MAP7: variants seen among roughly 807,000 people sequenced by gnomAD.
MAP7 encodes the protein ensconsin.
Under a neutral mutation model 94.8 loss-of-function variants are expected in MAP7, and 52 were observed. The ratio of observed to expected loss-of-function variants is 0.55; its 90% confidence interval spans 0.44 to 0.69. MAP7 has a LOEUF of 0.69. MAP7 is among the 30% of genes least tolerant of loss of function. The pLI, the probability that MAP7 is intolerant of heterozygous loss-of-function variation, is 0.00. For synonymous variants in MAP7, 350 were observed against 357.0 expected (o/e 0.98, Z 0.22); for missense variants, 940 against 964.6 (o/e 0.97, Z 0.34).
intron 16 of MAP7, 78 bp downstream of exon 16, chr6:136,356,614 T>A: frequency 8.6e-7 from 1 of 1,163,740 alleles, no homozygotes; most frequent in Non-Finnish European, 1.3e-6. Flanking sequence ...ATCCTAATGT[T>A]AAGACTTTGA....
intron 1 of MAP7, among the ~76,000 whole-genome samples, chr6:136,487,880 C>T (rs1236096271): frequency 6.6e-6 from 1 of 152,170 alleles, no homozygotes; most frequent in Non-Finnish European, 1.5e-5. Context: ...GGACCATTAA[C>T]ATGGACACGC....
intron 1 of MAP7, among the ~76,000 whole-genome samples, chr6:136,523,573 G>A (rs1439781125): frequency 6.6e-6 from 1 of 152,180 alleles, no homozygotes; most frequent in Non-Finnish European, 1.5e-5. Flanking sequence ...AAAGTCAATA[G>A]TGTTATTCAT....
chr6:136,525,002 T>A (rs1827425873), intron 1 of MAP7, among the ~76,000 whole-genome samples: 1 of 152,210 alleles, frequency 6.6e-6, no homozygotes, highest in Admixed American at 6.5e-5. Flanking sequence ...CTGGAAAATG[T>A]AAAACACAGG....
chr6:136,506,512 T>C (rs1821563487), intron 1 of MAP7, among the ~76,000 whole-genome samples: 1 of 151,908 alleles, frequency 6.6e-6, no homozygotes, highest in Non-Finnish European at 1.5e-5. Context: ...GGGAAATTTC[T>C]GGAAACAATA....
chr6:136,465,642 A>G (rs2052602536), intron 1 of MAP7, among the ~76,000 whole-genome samples: 1 of 152,210 alleles, frequency 6.6e-6, no homozygotes, highest in African/African-American at 2.4e-5. Flanking sequence ...ACACTTATAG[A>G]ATATAAATCA....
chr6:136,434,654 A>G (rs980043132), intron 1 of MAP7, among the ~76,000 whole-genome samples: 1 of 151,368 alleles, frequency 6.6e-6, no homozygotes, highest in African/African-American at 2.4e-5. Flanking sequence ...ATATGTCCCC[A>G]AATAAGGGAT....
chr6:136,370,249 T>C (rs1477911132), intron 8 of MAP7, among the ~76,000 whole-genome samples: 1 of 152,210 alleles, frequency 6.6e-6, no homozygotes, highest in African/African-American at 2.4e-5. Flanking sequence ...AGGTGGCTGT[T>C]ATCAAAAAAC....
chr6:136,358,420 G>A (rs9402804), intron 15 of MAP7, among the ~76,000 whole-genome samples: 7,266 of 152,192 alleles, frequency 0.048, 354 homozygotes, highest in African/African-American at 0.12. Flanking sequence ...AAGACAGTAT[G>A]CTAAAAATGC....
At chr6:136,377,043 G>GGATGTAGGCTTACCGACTA (rs537345851) in intron 7 of MAP7, among the ~76,000 whole-genome samples, 6 of 152,122 alleles carry the variant, frequency 3.9e-5, no homozygotes, top group South Asian at 2.1e-4. Context: ...CTTACCAACT[G>GGATGTAGGCTTACCGACTA]GATGTAGGCT....
intron 1 of MAP7, among the ~76,000 whole-genome samples, chr6:136,432,255 A>G (rs1378652092): frequency 6.6e-6 from 1 of 152,212 alleles, no homozygotes; most frequent in African/African-American, 2.4e-5. Flanking sequence ...AATAAAGTCC[A>G]TGCATCTTAG....
chr6:136,397,541 C>G (rs186876812), intron 3 of MAP7, among the ~76,000 whole-genome samples: 1 of 117,006 alleles, frequency 8.5e-6, no homozygotes, highest in African/African-American at 3.2e-5. Flanking sequence ...GAAGCCCTAA[C>G]CCCCAAGGTA....
rs562649347 is a variant in MAP7, at chr6:136,404,098, A to T, written c.244+7522T>A. On this transcript the variant is annotated intron_variant, in intron 3 of 17. Coordinates refer to ENST00000354570, the MANE Select transcript of MAP7 (RefSeq NM_003980.6). The stretch of plus-strand genomic sequence containing the variant: ...TCTCTAAAGAGGAAAGTCTCTTGTT[A>T]AAACCAACAGCCATCTGAATCAAAT... 2.1e-4 allele frequency among the ~76,000 whole-genome samples: 32 copies of T among 152,352 alleles called. 1 individual carries two copies. The Middle Eastern group carries it at 0.01, about 49-fold the overall frequency.
chr6:136,385,602 G>A (rs1778984110), intron 5 of MAP7, among the ~76,000 whole-genome samples: 1 of 152,116 alleles, frequency 6.6e-6, no homozygotes, highest in African/African-American at 2.4e-5. Flanking sequence ...GTGGATCCTT[G>A]TATCCTAAAA....
intron 1 of MAP7, among the ~76,000 whole-genome samples, chr6:136,468,014 C>T (rs759962527): frequency 6.6e-6 from 1 of 152,032 alleles, no homozygotes; most frequent in Non-Finnish European, 1.5e-5. Context: ...TTGGAACTAC[C>T]GACTCCTTAG....
chr6:136,505,277 G>GTGTGTATATATATATATATATATA, intron 1 of MAP7, among the ~76,000 whole-genome samples: 1 of 53,830 alleles, frequency 1.9e-5, no homozygotes, highest in East Asian at 7.7e-4. Flanking sequence ...GTGTGTGTGT[G>GTGTGTATATATATATATATATATA]TATATATATA....
At position 136,394,931 on chromosome 6, in the gene MAP7, CATATATATATATATATATATAT is replaced by C. The variant is rs144839767; in HGVS notation, c.245-5436_245-5415del. 6.0e-3 allele frequency among the ~76,000 whole-genome samples: 164 copies of C among 27,502 alleles called. 7 individuals are homozygous for C. Among genetic ancestry groups the C allele is most frequent in the South Asian group, 9.1e-3 (4 of 438 alleles). The allele number at this position is 27,502 out of a possible 152,430, so 18.0% of individuals were successfully genotyped here. A position where few individuals can be genotyped will look rare whatever the true frequency, so the allele number is the denominator to read the frequency against. Reference sequence around the variant, plus strand: ...TTTTTATGGTTGAATAATATTCCATCATATATATATATATATATATATATATATATATATATATATCACATTT... The same window carrying C: ...TTTTTATGGTTGAATAATATTCCATCATATATATATATATATATCACATTT... On this transcript the variant is annotated intron_variant, in intron 3 of 17. Coordinates refer to ENST00000354570, the MANE Select transcript of MAP7 (RefSeq NM_003980.6).
At chr6:136,489,974 A>G (rs1816056605) in intron 1 of MAP7, among the ~76,000 whole-genome samples, 1 of 152,206 alleles carries the variant, frequency 6.6e-6, no homozygotes, top group South Asian at 2.1e-4. Flanking sequence ...AGCCAAATAT[A>G]TACAATTCCT....
At chr6:136,368,233 CTT>C (rs1314279739) in intron 8 of MAP7, among the ~76,000 whole-genome samples, 1 of 151,558 alleles carries the variant, frequency 6.6e-6, no homozygotes, top group Non-Finnish European at 1.5e-5. Flanking sequence ...CCTTTCAGTC[CTT>C]TTGTTACTCT....
chr6:136,356,715 G>T lies in MAP7; in HGVS notation c.1992C>A (p.His664Gln), dbSNP rs1247886092. The change falls in exon 16 of 18, where the codon CAC becomes CAA. Residue 664 changes from histidine to glutamine, a missense_variant. His to Gln is a conservative substitution (Grantham distance 24, BLOSUM62 0). Coordinates refer to ENST00000354570, the MANE Select transcript of MAP7 (RefSeq NM_003980.6). ...PVGSPHVVTS[H>Q]QSKVTVESTP... ...ACCTCTCCACTGTCACTTTTGACTG[G>T]TGTGAGGTAACCACATGTGGGCTGC... The T allele has an allele frequency of 1.9e-6, 3 of 1,613,974 alleles. No individual in the cohort carries two copies. Among genetic ancestry groups the T allele is most frequent in the Non-Finnish European group, 2.5e-6 (3 of 1,180,010 alleles).
Sources: gnomAD v4.1 joint callset for allele counts (sites outside exome capture counted in the v4.1 genomes callset) on GRCh38, gnomAD v4.1.1 for gene constraint, MANE v1.5 for transcripts, NCBI Gene and HGNC (gene_info 2026-07-23, HGNC 2026-07-21) for gene names.